Variants in WNT6 observed in about 807,000 individuals in gnomAD.
The protein encoded by WNT6 is Wnt family member 6, also known as protein Wnt-6.
Under a neutral mutation model 33.1 loss-of-function variants are expected in WNT6, and 27 were observed. That is an observed-to-expected ratio of 0.82 (90% CI 0.60 to 1.12). The LOEUF is 1.12. Among genes scored for constraint, WNT6 ranks in the 50% most tolerant of loss-of-function variants. WNT6 has a pLI of 0.00. For synonymous variants in WNT6, 249 were observed against 242.8 expected, an observed-to-expected ratio of 1.03 and a Z score of -0.24; for missense variants, 494 against 535.3, an observed-to-expected ratio of 0.92 and a Z score of 0.76.
chr2:218,859,855 G>A lies in WNT6; in HGVS notation c.-183G>A, dbSNP rs1022673040. 9.5e-6 allele frequency: 2 copies of A among 211,584 alleles called. No homozygotes were observed. The highest frequency in any genetic ancestry group is 1.6e-4 in the East Asian group (1 of 6,382). The allele number at this position is 211,584 out of a possible 1,614,324, so 13.1% of individuals were successfully genotyped here. On this transcript the variant is annotated 5_prime_UTR_variant, in exon 1 of 4. Transcript: ENST00000233948. The stretch of plus-strand genomic sequence containing the variant: ...GACACAGGCGCTGGCTGCCCCGTCC[G>A]CTCTCCGCCTCCGCCGCGCCCTCCT...
Position 218,873,299 on chromosome 2 carries a change from C to A in WNT6, c.637-85C>A. On this transcript the variant is annotated intron_variant, in intron 3 of 3. Transcript: ENST00000233948. The surrounding 1 kb of genome is among the most constrained non-coding windows in gnomAD (Gnocchi z 6.1). ...TCCTCTCTTCCTTTCACCTCCCATTCCCAATCTTATTTTCTGTCCATCCGC... is the reference window on the plus strand; with the variant it reads ...TCCTCTCTTCCTTTCACCTCCCATTACCAATCTTATTTTCTGTCCATCCGC... 1 of 1,334,920 alleles carries A rather than the reference C, an allele frequency of 7.5e-7. No homozygotes were observed. The highest frequency in any genetic ancestry group is 1.0e-6 in the Non-Finnish European group (1 of 990,546). 82.7% of individuals were successfully genotyped at this position (1,334,920 alleles called of 1,614,324 possible). A position where few individuals can be genotyped will look rare whatever the true frequency, so the allele number is the denominator to read the frequency against.
intron 1 of WNT6, among the ~76,000 whole-genome samples, chr2:218,866,144 T>TC (rs1458043137): frequency 6.6e-6 from 1 of 151,494 alleles, no homozygotes; most frequent in African/African-American, 2.4e-5. Context: ...ACCACCCACC[T>TC]CCCCCACCCC....
At chr2:218,869,594 TG>T (rs536079779) in intron 1 of WNT6, among the ~76,000 whole-genome samples, 135 of 152,272 alleles carry the variant, frequency 8.9e-4, no homozygotes, top group African/African-American at 3.2e-3. Context: ...GAAGAGCTTT[TG>T]GGTGGTCTCT....
chr2:218,870,974 C>G, intron 1 of WNT6, 53 bp from the exon 2 acceptor site: 1 of 1,511,994 alleles, frequency 6.6e-7, no homozygotes, highest in South Asian at 1.3e-5. Flanking sequence ...CTCCCTTCCA[C>G]CCCAAGCCCT....
In WNT6 at chr2:218,873,381, CA is replaced by C; in HGVS notation, c.637-2del. On this transcript the variant is annotated splice_acceptor_variant, in intron 3 of 3. Coordinates refer to ENST00000233948, the MANE Select transcript of WNT6 (RefSeq NM_006522.4). LOFTEE classifies it high-confidence loss of function. The surrounding 1 kb of genome is among the most constrained non-coding windows in gnomAD (Gnocchi z 6.1). Reference sequence around the variant, plus strand: ...CATGCGTCCGCCCCTCTGCCTCCCGCAGGCCGTGCGGAGCCACACGCGCACC... The same window carrying C: ...CATGCGTCCGCCCCTCTGCCTCCCGCGGCCGTGCGGAGCCACACGCGCACC... 6.5e-7 allele frequency: 1 copy of C among 1,533,572 alleles called. No individual in the cohort carries two copies. The highest frequency in any genetic ancestry group is 8.7e-7 in the Non-Finnish European group (1 of 1,145,238). 95.0% of individuals were successfully genotyped at this position (1,533,572 alleles called of 1,614,324 possible). A position where few individuals can be genotyped will look rare whatever the true frequency, so the allele number is the denominator to read the frequency against.
rs758018720 is a variant in WNT6, at chr2:218,873,639, C to A, written c.892C>A (p.Arg298=). ...ADSPDFCAPN[R]RTGSPGTRGR... is the part of the protein sequence containing the mutation. ...TTCGCCCGACTTCTGCGCCCCCAAC[C>A]GACGCACCGGCTCCCCCGGCACGCG... Residue 298 remains arginine (R), a synonymous_variant, in exon 4 of 4, where the codon CGA becomes AGA. Transcript: ENST00000233948. The surrounding 1 kb of genome is among the most constrained non-coding windows in gnomAD (Gnocchi z 6.1). The A allele has an allele frequency of 1.8e-5, 29 of 1,581,110 alleles. No individual in the cohort carries two copies. The South Asian group carries it at 3.2e-4, about 17-fold the overall frequency.
chr2:218,871,836 T>A lies in WNT6; in HGVS notation c.636+17T>A, dbSNP rs1369279057. ...GGCAGGCTGGTGCGTACGGGCAGGA[T>A]GGAGTGAGTGTGTGCGGAAATGTGA... On this transcript the variant is annotated intron_variant, in intron 3 of 3. Transcript: ENST00000233948. This position sits in a 1 kb window ranked among gnomAD's most constrained non-coding sequence, Gnocchi z 6.4. The A allele has an allele frequency of 1.3e-6, 2 of 1,555,512 alleles. No individual in the cohort carries two copies. Among genetic ancestry groups the A allele is most frequent in the African/African-American group, 2.8e-5 (2 of 70,862 alleles).
In WNT6 at chr2:218,871,284, C is replaced by A. The variant is rs776865396; in HGVS notation, c.301+37C>A. The A allele has an allele frequency of 5.7e-6, 9 of 1,579,644 alleles. No homozygotes were observed. The highest frequency in any genetic ancestry group is 7.8e-6 in the Non-Finnish European group (9 of 1,158,708). ...GAGGGGGCGGAAGTGGGGCTGCTTT[C>A]TCCCTGCTGTGGGACCCGAGGAGAG... On this transcript the variant is annotated intron_variant, in intron 2 of 3. Transcript: ENST00000233948. The surrounding 1 kb of genome is among the most constrained non-coding windows in gnomAD (Gnocchi z 6.4).
intron 1 of WNT6, among the ~76,000 whole-genome samples, chr2:218,865,426 T>C (rs1944346562): frequency 6.6e-6 from 1 of 152,238 alleles, no homozygotes; most frequent in Non-Finnish European, 1.5e-5. Flanking sequence ...CCTCTTTGGC[T>C]GGTTCCTCCA....
chr2:218,860,402 A>G (rs954832311), intron 1 of WNT6, among the ~76,000 whole-genome samples: 1 of 152,164 alleles, frequency 6.6e-6, no homozygotes, highest in Non-Finnish European at 1.5e-5. Context: ...TTTCGGGAAG[A>G]CACATATCCG....
Position 218,873,516 on chromosome 2 carries a change from G to C in WNT6, c.769G>C (p.Ala257Pro). The C allele has an allele frequency of 6.5e-7, 1 of 1,538,298 alleles. No individual in the cohort carries two copies. The highest frequency in any genetic ancestry group is 8.7e-7 in the Non-Finnish European group (1 of 1,146,408). Residue 257 changes from alanine (A) to proline (P), a missense_variant, in exon 4 of 4, where the codon GCC (alanine) becomes CCC (proline). Coordinates refer to ENST00000233948, the MANE Select transcript of WNT6 (RefSeq NM_006522.4). The surrounding 1 kb of genome is among the most constrained non-coding windows in gnomAD (Gnocchi z 6.1). The stretch of plus-strand genomic sequence containing the variant: ...GCGGCTGCTGGAGCGCTTCCACGGC[G>C]CCTCACGCGTCATGGGCACCAACGA... ...GARLLERFHG[A>P]SRVMGTNDGK...
chr2:218,863,334 G>C (rs1336124133), intron 1 of WNT6, among the ~76,000 whole-genome samples: 4 of 152,194 alleles, frequency 2.6e-5, no homozygotes, highest in African/African-American at 9.7e-5. Flanking sequence ...CAGGAAAGCA[G>C]CTGCAGCAGC....
chr2:218,872,081 G>T (rs775889185), intron 3 of WNT6, among the ~76,000 whole-genome samples: 1 of 152,096 alleles, frequency 6.6e-6, no homozygotes, highest in Non-Finnish European at 1.5e-5. Flanking sequence ...TGGGGGAAGG[G>T]ACACTCAGGG....
intron 1 of WNT6, among the ~76,000 whole-genome samples, chr2:218,861,925 C>A (rs923618801): frequency 6.6e-6 from 1 of 152,166 alleles, no homozygotes; most frequent in African/African-American, 2.4e-5. Context: ...AGGCAGATAC[C>A]TTGTCTTTAG....
At position 218,873,365 on chromosome 2, in the gene WNT6, G is replaced by A. The variant is rs925851823; in HGVS notation, c.637-19G>A. The A allele has an allele frequency of 9.1e-6, 14 of 1,530,238 alleles. No homozygotes were observed. In the African/African-American group the frequency reaches 1.8e-4, roughly 20 times the overall value. The allele number at this position is 1,530,238 out of a possible 1,614,324, so 94.8% of individuals were successfully genotyped here. A position where few individuals can be genotyped will look rare whatever the true frequency, so the allele number is the denominator to read the frequency against. Reference sequence around the variant, plus strand: ...ACCCCCTACCTGTCCACATGCGTCCGCCCCTCTGCCTCCCGCAGGCCGTGC... The same window carrying A: ...ACCCCCTACCTGTCCACATGCGTCCACCCCTCTGCCTCCCGCAGGCCGTGC... On this transcript the variant is annotated intron_variant, in intron 3 of 3. Coordinates refer to ENST00000233948, the MANE Select transcript of WNT6 (RefSeq NM_006522.4). This position sits in a 1 kb window ranked among gnomAD's most constrained non-coding sequence, Gnocchi z 6.1.
At chr2:218,860,165 C>T (rs1248195505) in intron 1 of WNT6, 48 bp downstream of exon 1, 17 of 1,472,812 alleles carry the variant, frequency 1.2e-5, no homozygotes, top group Non-Finnish European at 1.5e-5. Flanking sequence ...AGGGTGGGGA[C>T]CCCGGGACCC....
intron 1 of WNT6, 89 bp downstream of exon 1, chr2:218,860,206 G>T (rs1944293778): frequency 9.8e-6 from 12 of 1,221,298 alleles, no homozygotes; most frequent in Non-Finnish European, 1.2e-5. Flanking sequence ...GCAGCCTCCC[G>T]GCTCTACCTG....
intron 1 of WNT6, among the ~76,000 whole-genome samples, chr2:218,865,976 T>C (rs918718853): frequency 1.8e-4 from 25 of 140,260 alleles, no homozygotes; most frequent in African/African-American, 5.9e-4. Context: ...GAGCTGGGCA[T>C]CACTGGCTTT....
Position 218,873,329 on chromosome 2 carries a change from C to A in WNT6, c.637-55C>A. 6.8e-7 allele frequency: 1 copy of A among 1,471,282 alleles called. No homozygotes were observed. Among genetic ancestry groups the A allele is most frequent in the Non-Finnish European group, 9.1e-7 (1 of 1,100,246 alleles). 91.1% of individuals were successfully genotyped at this position (1,471,282 alleles called of 1,614,324 possible). ...TCTTATTTTCTGTCCATCCGCTGGG[C>A]CCTTCCCTGCACCCCCTACCTGTCC... On this transcript the variant is annotated intron_variant, in intron 3 of 3. Transcript: ENST00000233948. The surrounding 1 kb of genome is among the most constrained non-coding windows in gnomAD (Gnocchi z 6.1).
Sources: allele counts gnomAD v4.1 joint callset (sites outside exome capture counted in the v4.1 genomes callset), GRCh38; gene constraint gnomAD v4.1.1; non-coding constraint Gnocchi (gnomAD v3.1); transcripts MANE v1.5; gene names NCBI Gene and HGNC (gene_info 2026-07-23, HGNC 2026-07-21).